Variants in SCNN1A observed in about 807,000 individuals in gnomAD.
SCNN1A encodes the protein sodium channel epithelial 1 subunit alpha, also known as epithelial sodium channel subunit alpha.
SCNN1A carries 65 observed loss-of-function variants against 68.6 expected under a neutral mutation model. That is an observed-to-expected ratio of 0.95 (90% confidence interval 0.78 to 1.16). The LOEUF (loss-of-function observed/expected upper bound fraction) is 1.16. Ranked by LOEUF, SCNN1A falls within the 50% of genes most tolerant of loss-of-function variation. The pLI is 0.00. For synonymous variants in SCNN1A, 357 were observed against 353.3 expected (o/e 1.01, Z -0.12); for missense variants, 880 against 865.9 (o/e 1.02, Z -0.20).
upstream of SCNN1A, chr12:6,377,311 C>G (rs1948928738): frequency 6.6e-7 from 1 of 1,517,160 alleles, no homozygotes; most frequent in East Asian, 2.5e-5. Context: ...CTTCATTGTC[C>G]TAATGAAGAA....
At chr12:6,375,735 G>A (rs1035363551), upstream of SCNN1A, 4 of 1,419,490 alleles carry the variant, frequency 2.8e-6, no homozygotes, top group South Asian at 3.0e-5. Flanking sequence ...ACGCAGACAG[G>A]CAAGGAGGCT....
chr12:6,371,553 ACGGTGG>A (rs1235446963), intron 2 of SCNN1A, among the ~76,000 whole-genome samples: 7 of 27,188 alleles, frequency 2.6e-4, no homozygotes, highest in Admixed American at 1.1e-3. Flanking sequence ...GTGAGGGTGG[ACGGTGG>A]GGGTGGGGGT....
At chr12:6,355,176 A>AC in intron 6 of SCNN1A, 96 bp downstream of exon 6, 2 of 1,387,890 alleles carry the variant, frequency 1.4e-6, no homozygotes, top group South Asian at 1.2e-5. Context: ...CTCAAGGCCC[A>AC]CCCCACATGC....
At chr12:6,368,640 T>C (rs1948721457) in intron 2 of SCNN1A, among the ~76,000 whole-genome samples, 1 of 152,216 alleles carries the variant, frequency 6.6e-6, no homozygotes, top group African/African-American at 2.4e-5. Flanking sequence ...CATGATGACT[T>C]ATTCCAGTTG....
chr12:6,376,353 A>G (rs570074762), upstream of SCNN1A: 6 of 200,618 alleles, frequency 3.0e-5, no homozygotes, highest in African/African-American at 1.4e-4. Context: ...GTTGGCTGCC[A>G]GGCCAGGAAT....
chr12:6,373,273 A>G (rs1948826971), intron 2 of SCNN1A, among the ~76,000 whole-genome samples: 1 of 152,058 alleles, frequency 6.6e-6, no homozygotes, highest in African/African-American at 2.4e-5. Flanking sequence ...ACACATACCA[A>G]TATGTGCACA....
At position 6,355,360 on chromosome 12, in the gene SCNN1A, A is replaced by G; in HGVS notation, c.1055T>C (p.Met352Thr). 6.2e-7 allele frequency: 1 copy of G among 1,613,876 alleles called. No individual in the cohort carries two copies. The highest frequency in any genetic ancestry group is 8.5e-7 in the Non-Finnish European group (1 of 1,179,926). Residue 352 changes from methionine to threonine, a missense_variant, in exon 6 of 13, where the codon ATG becomes ACG. Physicochemically the swap from Met to Thr is moderately conservative, Grantham distance 81. Transcript: ENST00000228916. ...LLSTVTGARV[M>T]VHGQDEPAFM... The stretch of plus-strand genomic sequence containing the variant: ...GGCAGGTTCATCCTGCCCGTGCACC[A>G]TTACCCGGGCCCCAGTCACTGTGGA...
chr12:6,365,232 G>A (rs1423188364), intron 2 of SCNN1A, among the ~76,000 whole-genome samples: 7 of 152,076 alleles, frequency 4.6e-5, no homozygotes, highest in Non-Finnish European at 1.5e-5. Context: ...TGCCCAGGCT[G>A]GACTCCAACT....
At position 6,375,547 on chromosome 12, in the gene SCNN1A, C is replaced by CTCATT; in HGVS notation, c.-98_-97insAATGA. On this transcript the variant is annotated 5_prime_UTR_variant, in exon 1 of 13. It adds an upstream start codon to the 5' untranslated region. Transcript: ENST00000228916. ...CTGGCTGGGGAGCCCGCCCGCTGGC[C>CTCATT]GGCCAGGGATGGAAGCGACAGGAAT... 6.5e-7 allele frequency: 1 copy of CTCATT among 1,534,942 alleles called. No individual in the cohort carries two copies. Among genetic ancestry groups the CTCATT allele is most frequent in the Non-Finnish European group, 8.7e-7 (1 of 1,146,606 alleles).
At chr12:6,365,996 A>G (rs984299548) in intron 2 of SCNN1A, among the ~76,000 whole-genome samples, 2 of 152,030 alleles carry the variant, frequency 1.3e-5, no homozygotes, top group African/African-American at 4.8e-5. Flanking sequence ...CTGGGACTAC[A>G]GGTGCGTGCC....
At chr12:6,355,487 G>A in intron 5 of SCNN1A, 52 bp from the exon 6 acceptor site, 6 of 1,590,922 alleles carry the variant, frequency 3.8e-6, no homozygotes, top group South Asian at 1.1e-5. Flanking sequence ...CTAGAAAAGA[G>A]TTAGGAGATG....
In SCNN1A at chr12:6,349,487, T is replaced by C. The variant is rs72657558; in HGVS notation, c.1361-82A>G. ...CACCCAAGAGGTCTCCCAAGATCCC[T>C]GGGTACCCACTTTACAAGAGCATTA... On this transcript the variant is annotated intron_variant, in intron 8 of 12. Transcript: ENST00000228916. 2.7e-4 allele frequency: 256 copies of C among 943,296 alleles called. 3 individuals carry two copies. In the African/African-American group the frequency reaches 3.4e-3, roughly 13 times the overall value. The allele number at this position is 943,296 out of a possible 1,614,324, so 58.4% of individuals were successfully genotyped here. A position where few individuals can be genotyped will look rare whatever the true frequency, so the allele number is the denominator to read the frequency against.
intron 2 of SCNN1A, 87 bp from the exon 3 acceptor site, chr12:6,363,797 C>CG: frequency 3.8e-6 from 5 of 1,314,832 alleles, no homozygotes. Context: ...ATCTGTGCCC[C>CG]GGGAGGCCGG....
chr12:6,371,638 A>C (rs1456631552), intron 2 of SCNN1A, among the ~76,000 whole-genome samples: 1 of 151,842 alleles, frequency 6.6e-6, no homozygotes, highest in African/African-American at 2.4e-5. Context: ...AAGTTGAGGC[A>C]GTTACTTAAC....
intron 5 of SCNN1A, 23 bp downstream of exon 5, chr12:6,355,754 G>A: frequency 6.6e-7 from 1 of 1,520,328 alleles, no homozygotes; most frequent in Non-Finnish European, 9.1e-7. Context: ...AGGGCGCCAT[G>A]GAGCAAGCAG....
chr12:6,348,371 C>T lies in SCNN1A; in HGVS notation c.1630-118G>A, dbSNP rs138889388. On this transcript the variant is annotated intron_variant, in intron 12 of 12. Transcript: ENST00000228916. ...CTTCATCCCTGAAGACCCCCGAGTCCTCTCAGCCTCTCAGCAGCCCCCTGG... is the reference window on the plus strand; with the variant it reads ...CTTCATCCCTGAAGACCCCCGAGTCTTCTCAGCCTCTCAGCAGCCCCCTGG... 2.0e-5 allele frequency: 31 copies of T among 1,549,644 alleles called. No individual in the cohort carries two copies. In the African/African-American group the frequency reaches 3.7e-4, roughly 18 times the overall value.
At chr12:6,375,868 C>T (rs1948897934), upstream of SCNN1A, 9 of 1,292,512 alleles carry the variant, frequency 7.0e-6, no homozygotes, top group African/African-American at 1.1e-4. Flanking sequence ...GGTGGGGAAC[C>T]GGGAGGACAG....
intron 4 of SCNN1A, among the ~76,000 whole-genome samples, chr12:6,360,288 A>G (rs143972557): frequency 1.0e-3 from 153 of 152,312 alleles, no homozygotes; most frequent in African/African-American, 3.6e-3. Context: ...CTAAGTGCCA[A>G]GATAAAGATG....
rs373149979 is a variant in SCNN1A at position 6,374,252 on chromosome 12, G to T, written c.416+116C>A. 5.3e-6 allele frequency: 6 copies of T among 1,133,114 alleles called. No homozygotes were observed. In the Admixed American group the frequency reaches 1.3e-4, roughly 24 times the overall value. The allele number at this position is 1,133,114 out of a possible 1,614,324, so 70.2% of individuals were successfully genotyped here. ...CCAGCAGTGAGCTCTACCTGGGACA[G>T]GGGTGTCAGTTCCCACCCTCAGGTC... is the stretch of plus-strand genomic sequence containing the variant. On this transcript the variant is annotated intron_variant, in intron 2 of 12. Transcript: ENST00000228916. This position sits in a 1 kb window ranked among gnomAD's most constrained non-coding sequence, Gnocchi z 6.2.
Sources: allele counts gnomAD v4.1 joint callset (sites outside exome capture counted in the v4.1 genomes callset), GRCh38; gene constraint gnomAD v4.1.1; non-coding constraint Gnocchi (gnomAD v3.1); transcripts MANE v1.5; gene names NCBI Gene and HGNC (gene_info 2026-07-23, HGNC 2026-07-21).